FBN1: variants seen among roughly 807,000 people sequenced by gnomAD.
FBN1 encodes fibrillin 1.
FBN1 carries 29 observed loss-of-function variants against 365.1 expected under a neutral mutation model. The ratio of observed to expected loss-of-function variants is 0.08; its 90% CI spans 0.06 to 0.11. FBN1 has a LOEUF of 0.11. FBN1 is among the 10% of genes least tolerant of loss of function. The pLI is 1.00. For missense variants in FBN1, 2,476 were observed against 3,703.2 expected, an observed-to-expected ratio of 0.67 and a Z score of 8.60; for synonymous variants, 1,210 against 1,270.5, an observed-to-expected ratio of 0.95 and a Z score of 1.01.
chr15:48,525,158 C>G (rs565590998), intron 9 of FBN1, among the ~76,000 whole-genome samples: 1 of 151,828 alleles, frequency 6.6e-6, no homozygotes, highest in African/African-American at 2.4e-5. Flanking sequence ...GTGATCTCAG[C>G]TCACTGGAAC....
chr15:48,463,449 G>A (rs975075938), intron 41 of FBN1, among the ~76,000 whole-genome samples: 2 of 152,176 alleles, frequency 1.3e-5, no homozygotes, highest in Admixed American at 6.5e-5. Flanking sequence ...TACATTCCCT[G>A]ATATTTCATG....
chr15:48,567,150 G>A (rs895821538), intron 6 of FBN1, among the ~76,000 whole-genome samples: 1 of 152,170 alleles, frequency 6.6e-6, no homozygotes, highest in Non-Finnish European at 1.5e-5. Context: ...TGTGAGAACT[G>A]TTTTGTGTCC....
intron 44 of FBN1, among the ~76,000 whole-genome samples, chr15:48,454,541 A>G (rs2043225427): frequency 6.6e-6 from 1 of 152,226 alleles, no homozygotes; most frequent in African/African-American, 2.4e-5. Flanking sequence ...ATGCTATATC[A>G]TGGGGCAAAA....
chr15:48,530,496 G>A (rs914606626), intron 8 of FBN1, among the ~76,000 whole-genome samples: 1 of 152,094 alleles, frequency 6.6e-6, no homozygotes, highest in African/African-American at 2.4e-5. Context: ...ACTTGACCAC[G>A]GGGCATCAAG....
At chr15:48,629,305 T>G (rs1475486236) in intron 2 of FBN1, among the ~76,000 whole-genome samples, 4 of 152,138 alleles carry the variant, frequency 2.6e-5, no homozygotes, top group Non-Finnish European at 2.9e-5. Context: ...GAAGCACTGG[T>G]GTAGAGGACA....
At position 48,497,351 on chromosome 15, in the gene FBN1, A is replaced by C. The variant is rs1450795956; in HGVS notation, c.2208T>G (p.Asn736Lys). The C allele has an allele frequency of 3.7e-6, 6 of 1,613,940 alleles. No individual in the cohort carries two copies. The highest frequency in any genetic ancestry group is 5.1e-6 in the Non-Finnish European group (6 of 1,179,914). ...ECALDPDICP[N>K]GICENLRGTY... Reference sequence around the variant, plus strand: ...TCCCACGAAGGTTTTCACAGATTCCATTTGGGCAAATATCAGGATCTAGTG... The same window carrying C: ...TCCCACGAAGGTTTTCACAGATTCCCTTTGGGCAAATATCAGGATCTAGTG... The change falls in exon 19 of 66, where the codon AAT becomes AAG. Residue 736 changes from asparagine (N) to lysine (K), a missense_variant. By Grantham distance (94) the Asn-to-Lys change is moderately conservative. Transcript: ENST00000316623.
At chr15:48,618,422 T>G (rs955717345) in intron 2 of FBN1, among the ~76,000 whole-genome samples, 2 of 152,136 alleles carry the variant, frequency 1.3e-5, no homozygotes, top group Non-Finnish European at 2.9e-5. Flanking sequence ...TTTCAAATAT[T>G]CCCCCTCTTT....
chr15:48,498,858 G>A, intron 18 of FBN1, 127 bp downstream of exon 18: 1 of 917,922 alleles, frequency 1.1e-6, no homozygotes, highest in Admixed American at 1.7e-5. Context: ...CCAGATACAT[G>A]GCACAGTGAT....
At chr15:48,594,648 C>A (rs2044503542) in intron 6 of FBN1, among the ~76,000 whole-genome samples, 2 of 152,144 alleles carry the variant, frequency 1.3e-5, no homozygotes, top group Admixed American at 6.6e-5. Context: ...ATATCATGCC[C>A]TTTATTTTAG....
intron 19 of FBN1, 142 bp from the exon 20 acceptor site, chr15:48,496,367 T>C (rs1434489547): frequency 2.1e-6 from 2 of 969,992 alleles, no homozygotes; most frequent in Non-Finnish European, 3.1e-6. Flanking sequence ...CATTAGCTTT[T>C]ACCTAAACTA....
At chr15:48,429,696 G>GA (rs2043010590) in intron 56 of FBN1, among the ~76,000 whole-genome samples, 1 of 152,200 alleles carries the variant, frequency 6.6e-6, no homozygotes, top group South Asian at 2.1e-4. Context: ...ACTGATCCAG[G>GA]AGGATCCAGT....
In FBN1 at chr15:48,472,604, C is replaced by T. The variant is rs778219976; in HGVS notation, c.4283G>A (p.Arg1428His). The T allele has an allele frequency of 8.1e-6, 13 of 1,614,052 alleles. No individual in the cohort carries two copies. Among genetic ancestry groups the T allele is most frequent in the East Asian group, 4.5e-5 (2 of 44,894 alleles). The stretch of plus-strand genomic sequence containing the variant: ...CACGAAGCCCATGTCGCATTCACAG[C>T]GGTATCCTCCTGGTGCATTGAGGCA... Reference protein sequence around the residue: ...GQCLNAPGGYRCECDMGFVPS... With the variant: ...GQCLNAPGGYHCECDMGFVPS... Residue 1428 changes from arginine to histidine, a missense_variant, in exon 35 of 66, where the codon CGC (arginine) becomes CAC (histidine). By Grantham distance (29) the Arg-to-His change is conservative. This residue lies in a region of FBN1 where 1,780 missense variants were observed against 2,840.8 expected (regional missense o/e 0.63). Transcript: ENST00000316623.
chr15:48,627,258 A>G (rs1889902717), intron 2 of FBN1, among the ~76,000 whole-genome samples: 1 of 152,220 alleles, frequency 6.6e-6, no homozygotes. Context: ...AAGGAAAACA[A>G]TGTAAAGAGA....
At position 48,432,996 on chromosome 15, in the gene FBN1, AGAG is replaced by A. The variant is rs2141235287; in HGVS notation, c.6617-11_6617-9del. 6.2e-7 allele frequency: 1 copy of A among 1,613,136 alleles called. No individual in the cohort carries two copies. The highest frequency in any genetic ancestry group is 8.5e-7 in the Non-Finnish European group (1 of 1,179,456). ...GGGCACATTCATTTATATCTGCAGC[AGAG>A]GAGAGTAAGTAAATAAGGGATCATG... On this transcript the variant is annotated splice_polypyrimidine_tract_variant and intron_variant, in intron 54 of 65. Transcript: ENST00000316623.
Position 48,503,797 on chromosome 15 carries a change from T to C in FBN1, c.2103A>G (p.Ala701=), listed in dbSNP as rs2141315644. The C allele has an allele frequency of 6.2e-7, 1 of 1,613,870 alleles. No homozygotes were observed. The change falls in exon 17 of 66, where the codon GCA becomes GCG. Residue 701 remains alanine (A), a synonymous_variant. Coordinates refer to ENST00000316623, the MANE Select transcript of FBN1 (RefSeq NM_000138.5). ...AFGEPCQPCP[A]QNSAEYQALC... is the part of the protein sequence containing the mutation. ...CATGATACCACATACCTGAATTCTG[T>C]GCAGGACACGGCTGGCAAGGTTCCC... is the stretch of plus-strand genomic sequence containing the variant.
At chr15:48,533,879 A>G (rs894312978) in intron 8 of FBN1, among the ~76,000 whole-genome samples, 1 of 152,232 alleles carries the variant, frequency 6.6e-6, no homozygotes, top group Admixed American at 6.5e-5. Flanking sequence ...TTGGGTCTAT[A>G]AAAGTGGAAA....
intron 42 of FBN1, 111 bp downstream of exon 42, chr15:48,462,971 T>A: frequency 1.8e-6 from 2 of 1,091,570 alleles, no homozygotes; most frequent in Admixed American, 1.7e-5. Context: ...TTTTTTTCCC[T>A]GTAAAGATAA....
chr15:48,514,440 A>C (rs142133006), intron 12 of FBN1, among the ~76,000 whole-genome samples: 1 of 152,342 alleles, frequency 6.6e-6, no homozygotes, highest in Non-Finnish European at 1.5e-5. Context: ...TGGGAAAGTA[A>C]GAACTCATCA....
intron 11 of FBN1, 143 bp downstream of exon 11, chr15:48,516,036 TATAG>T (rs778105788): frequency 2.1e-4 from 157 of 755,838 alleles, no homozygotes; most frequent in Non-Finnish European, 3.2e-4. Flanking sequence ...ATACATATGA[TATAG>T]ATATAGATAA....
Sources: gnomAD v4.1 joint callset for allele counts (sites outside exome capture counted in the v4.1 genomes callset) on GRCh38, gnomAD v4.1.1 for gene constraint, gnomAD v4.1.1 regional missense constraint, MANE v1.5 for transcripts, NCBI Gene and HGNC (gene_info 2026-07-23, HGNC 2026-07-21) for gene names.